The following GPC5 variants were observed in gnomAD, a reference collection of about 807,000 sequenced individuals.
GPC5 encodes glypican-5.
GPC5 carries 47 observed loss-of-function variants against 53.9 expected under a neutral mutation model. That is an observed-to-expected ratio of 0.87 (90% CI 0.69 to 1.11). The LOEUF is 1.11. Among genes scored for constraint, GPC5 ranks in the 50% most tolerant of loss-of-function variants. The probability of loss-of-function intolerance (pLI) is 0.00; values close to 1 mark genes in which losing one functional copy is unlikely to be tolerated. For synonymous variants in GPC5, 286 were observed against 263.3 expected, an observed-to-expected ratio of 1.09 and a Z score of -0.84; for missense variants, 748 against 713.1, an observed-to-expected ratio of 1.05 and a Z score of -0.56.
At chr13:92,857,750 C>T (rs1223044905) in intron 7 of GPC5, among the ~76,000 whole-genome samples, 1 of 151,898 alleles carries the variant, frequency 6.6e-6, no homozygotes, top group Admixed American at 6.6e-5. Flanking sequence ...TCCAGAAATG[C>T]AAATCAAAAT....
chr13:92,353,712 G>T (rs2043499813), intron 7 of GPC5, among the ~76,000 whole-genome samples: 2 of 152,094 alleles, frequency 1.3e-5, no homozygotes, highest in South Asian at 4.1e-4. Flanking sequence ...TCAATGATTG[G>T]TTTTTGAGGT....
In GPC5 at chr13:91,766,245, C is replaced by G. The variant is rs190399712; in HGVS notation, c.1280+9825C>G. Among the ~76,000 whole-genome samples the G allele has an allele frequency of 3.3e-5, 5 of 152,318 alleles. No homozygotes were observed. In the East Asian group the frequency reaches 9.6e-4, roughly 29 times the overall value. On this transcript the variant is annotated intron_variant, in intron 5 of 7. Transcript: ENST00000377067. ...GCAAGAAAGCGAGTGGGAGCAAATG[C>G]ATTCTTGAGTGAAATGCTCTGAGTT...
rs184894077 is a variant in GPC5 at position 91,690,583 on chromosome 13, C to T, written c.326-2604C>T. Among the ~76,000 whole-genome samples the T allele has an allele frequency of 1.8e-4, 28 of 152,226 alleles. No individual in the cohort carries two copies. The East Asian group carries it at 4.6e-3, about 25-fold the overall frequency. ...AACATTGCTTTTACAATATAAATTA[C>T]TTTGTAAAACATACCTGTTAGGGCT... On this transcript the variant is annotated intron_variant, in intron 2 of 7. Coordinates refer to ENST00000377067, the MANE Select transcript of GPC5 (RefSeq NM_004466.6).
intron 7 of GPC5, among the ~76,000 whole-genome samples, chr13:92,254,512 C>T (rs541137726): frequency 6.6e-6 from 1 of 152,174 alleles, no homozygotes; most frequent in African/African-American, 2.4e-5. Context: ...ACAGTCAGAC[C>T]TCCATATCTG....
At chr13:91,989,455 G>C (rs1008115088) in intron 6 of GPC5, among the ~76,000 whole-genome samples, 1 of 152,088 alleles carries the variant, frequency 6.6e-6, no homozygotes, top group Non-Finnish European at 1.5e-5. Context: ...AAATAATCTC[G>C]TACTTACAAA....
intron 7 of GPC5, among the ~76,000 whole-genome samples, chr13:92,816,233 G>A (rs1034019050): frequency 2.0e-5 from 3 of 152,044 alleles, no homozygotes. Flanking sequence ...AGCCATAAAA[G>A]TAAAGTGACA....
At chr13:92,765,960 C>A (rs1875389644) in intron 7 of GPC5, among the ~76,000 whole-genome samples, 1 of 151,920 alleles carries the variant, frequency 6.6e-6, no homozygotes, top group Admixed American at 6.6e-5. Flanking sequence ...AGAATGAAAA[C>A]CTTTTTAAGG....
chr13:92,866,202 C>T (rs1166695093), intron 7 of GPC5, 80 bp from the exon 8 acceptor site: 4 of 1,277,532 alleles, frequency 3.1e-6, no homozygotes, highest in East Asian at 2.6e-5. Flanking sequence ...GCTGTCCACA[C>T]TTTGAGTTTA....
chr13:92,712,122 A>T (rs747565285), intron 7 of GPC5, among the ~76,000 whole-genome samples: 1 of 151,970 alleles, frequency 6.6e-6, no homozygotes, highest in African/African-American at 2.4e-5. Context: ...GATGAAAAAA[A>T]AATGATAAAC....
At chr13:92,827,168 G>C (rs1877879194) in intron 7 of GPC5, among the ~76,000 whole-genome samples, 1 of 152,070 alleles carries the variant, frequency 6.6e-6, no homozygotes, top group African/African-American at 2.4e-5. Flanking sequence ...GGAGACAGGA[G>C]ACAGATTAGG....
intron 3 of GPC5, among the ~76,000 whole-genome samples, chr13:91,712,243 A>ACT (rs1224963245): frequency 6.6e-6 from 1 of 152,080 alleles, no homozygotes; most frequent in Non-Finnish European, 1.5e-5. Context: ...AAGGACCATT[A>ACT]AGATGGATTC....
chr13:91,724,729 C>T (rs547089618), intron 3 of GPC5, among the ~76,000 whole-genome samples: 83 of 152,070 alleles, frequency 5.5e-4, no homozygotes, highest in Non-Finnish European at 1.2e-3. Flanking sequence ...TGGTGGCATG[C>T]GCCTATAGTC....
chr13:91,815,500 A>G (rs1273252043), intron 5 of GPC5, among the ~76,000 whole-genome samples: 1 of 152,238 alleles, frequency 6.6e-6, no homozygotes, highest in East Asian at 1.9e-4. Context: ...TCCACACACA[A>G]AAAATGATAT....
intron 7 of GPC5, among the ~76,000 whole-genome samples, chr13:92,383,436 CATT>C (rs2043766835): frequency 6.6e-6 from 1 of 152,118 alleles, no homozygotes; most frequent in Non-Finnish European, 1.5e-5. Flanking sequence ...AATTGTATAA[CATT>C]ATAAACAAAG....
intron 5 of GPC5, among the ~76,000 whole-genome samples, chr13:91,876,012 C>T (rs1411873510): frequency 6.6e-6 from 1 of 152,190 alleles, no homozygotes; most frequent in Non-Finnish European, 1.5e-5. Context: ...ATTCTCATGA[C>T]AGTGAATAAG....
intron 2 of GPC5, among the ~76,000 whole-genome samples, chr13:91,682,746 G>T (rs998071410): frequency 6.6e-6 from 1 of 152,268 alleles, no homozygotes; most frequent in South Asian, 2.1e-4. Context: ...TCACCATGCT[G>T]CATTTTATTT....
At chr13:91,837,099 G>A (rs2038730225) in intron 5 of GPC5, among the ~76,000 whole-genome samples, 1 of 150,250 alleles carries the variant, frequency 6.7e-6, no homozygotes, top group Non-Finnish European at 1.5e-5. Flanking sequence ...ATATATAAGA[G>A]AAATATACAT....
At chr13:92,109,061 GTTTTTTTT>G (rs35762919) in intron 6 of GPC5, among the ~76,000 whole-genome samples, 48 of 87,504 alleles carry the variant, frequency 5.5e-4, no homozygotes, top group African/African-American at 2.0e-3. Flanking sequence ...CAATATGTTG[GTTTTTTTT>G]TTTTTTTTTT....
chr13:92,416,791 T>A (rs1876318937), intron 7 of GPC5, among the ~76,000 whole-genome samples: 1 of 152,168 alleles, frequency 6.6e-6, no homozygotes, highest in South Asian at 2.1e-4. Flanking sequence ...CAACTCACAA[T>A]GTGGGAGAAA....
Sources: allele counts gnomAD v4.1 joint callset (sites outside exome capture counted in the v4.1 genomes callset), GRCh38; gene constraint gnomAD v4.1.1; transcripts MANE v1.5; gene names NCBI Gene and HGNC (gene_info 2026-07-23, HGNC 2026-07-21).